INSL6: variants seen among roughly 807,000 people sequenced by gnomAD.
INSL6 encodes insulin-like peptide INSL6.
In INSL6, 16 loss-of-function variants were observed where a neutral mutation model predicts 9.4. The ratio of observed to expected loss-of-function variants is 1.70; its 90% CI spans 1.15 to 2.59. The LOEUF (loss-of-function observed/expected upper bound fraction) is 2.59, where lower values mean the gene tolerates loss of function less well. Among genes scored for constraint, INSL6 ranks in the 30% most tolerant of loss-of-function variants. The probability of loss-of-function intolerance (pLI) is 0.00; values close to 1 mark genes in which losing one functional copy is unlikely to be tolerated. For missense variants in INSL6, 391 were observed against 257.3 expected, an observed-to-expected ratio of 1.52 and a Z score of -3.56; for synonymous variants, 154 against 96.9, an observed-to-expected ratio of 1.59 and a Z score of -3.46.
the INSL6 span, among the ~76,000 whole-genome samples, chr9:5,034,067 CA>C: frequency 6.6e-6 from 1 of 151,394 alleles, no homozygotes; most frequent in Non-Finnish European, 1.5e-5. Flanking sequence ...AAACGGAAAA[CA>C]AAAAAAGGCA....
chr9:4,995,312 T>A, the INSL6 span, among the ~76,000 whole-genome samples: 7 of 152,222 alleles, frequency 4.6e-5, no homozygotes, highest in Non-Finnish European at 1.0e-4. Context: ...AGGTTGTCTC[T>A]TTATCTTTTT....
At chr9:5,124,142 T>C (rs1823820890) in exon 4 of INSL6, among the ~76,000 whole-genome samples, 1 of 151,904 alleles carries the variant, frequency 6.6e-6, no homozygotes, top group Non-Finnish European at 1.5e-5. Context: ...GCAAATATTT[T>C]CTCCGATTAT....
At chr9:5,070,059 C>A in the INSL6 span, 4 of 1,588,582 alleles carry the variant, frequency 2.5e-6, no homozygotes, top group South Asian at 4.6e-5. Flanking sequence ...ATTTGTAAGT[C>A]ATTAGATACT....
chr9:5,164,024 C>A lies in INSL6; in HGVS notation c.531G>T (p.Lys177Asn). The change falls in exon 2 of 2, where the codon AAG becomes AAT. Residue 177 changes from lysine (K) to asparagine (N), a missense_variant. Physicochemically the swap from Lys to Asn is moderately conservative, Grantham distance 94. Transcript: ENST00000381641. ...PQRKRRGYSEKCCLTGCTKEE... is the reference protein window; with the variant it reads ...PQRKRRGYSENCCLTGCTKEE... ...CTTTTGTACATCCTGTAAGACAACA[C>A]TTTTCTGAATATCCTCTGCGTTTTC... 1 of 1,613,624 alleles carries A rather than the reference C, an allele frequency of 6.2e-7. No individual in the cohort carries two copies. Among genetic ancestry groups the A allele is most frequent in the African/African-American group, 1.3e-5 (1 of 75,016 alleles).
the INSL6 span, among the ~76,000 whole-genome samples, chr9:5,084,224 T>C: frequency 5.1e-4 from 78 of 152,284 alleles, no homozygotes; most frequent in African/African-American, 1.9e-3. Flanking sequence ...GGTGTAATCA[T>C]TAGTCAGTCA....
At chr9:5,103,980 C>T in the INSL6 span, among the ~76,000 whole-genome samples, 6 of 152,068 alleles carry the variant, frequency 3.9e-5, no homozygotes, top group East Asian at 1.9e-4. Flanking sequence ...GAGCTAAAAT[C>T]GACACCTTAA....
the INSL6 span, among the ~76,000 whole-genome samples, chr9:5,067,836 C>G: frequency 1.3e-5 from 2 of 151,864 alleles, no homozygotes; most frequent in Non-Finnish European, 2.9e-5. Context: ...CAAATATAGA[C>G]AGTAACAGAC....
the INSL6 span, among the ~76,000 whole-genome samples, chr9:5,070,634 T>C: frequency 6.6e-6 from 1 of 152,228 alleles, no homozygotes; most frequent in East Asian, 1.9e-4. Flanking sequence ...CAGGCTGGAA[T>C]GCAGAAATAC....
the INSL6 span, among the ~76,000 whole-genome samples, chr9:5,086,696 C>T: frequency 6.6e-6 from 1 of 152,116 alleles, no homozygotes; most frequent in African/African-American, 2.4e-5. Context: ...TAGAAAATTT[C>T]CTACCCTGAA....
chr9:5,126,542 T>G lies in INSL6; in HGVS notation c.*11-2031A>C, dbSNP rs12005968. 15,937 of 977,320 alleles carry G rather than the reference T, an allele frequency of 0.016. 1,639 individuals are homozygous for G. In the African/African-American group the frequency reaches 0.23, roughly 14 times the overall value. The allele number at this position is 977,320 out of a possible 1,614,324, so 60.5% of individuals were successfully genotyped here. Reference sequence around the variant, plus strand: ...CTTCCTGAAATTTAATGTGCGGAGCTTCCAGATAAACAGCATAATCAGATG... The same window carrying G: ...CTTCCTGAAATTTAATGTGCGGAGCGTCCAGATAAACAGCATAATCAGATG... On this transcript the variant is annotated intron_variant, in intron 3 of 3. Transcript: ENST00000649639.
intron 1 of INSL6, among the ~76,000 whole-genome samples, chr9:5,165,086 C>G (rs1199357688): frequency 6.6e-6 from 1 of 152,162 alleles, no homozygotes; most frequent in Admixed American, 6.5e-5. Flanking sequence ...TGGTGCACGC[C>G]TGTAATACCA....
the INSL6 span, chr9:5,054,702 C>T: frequency 6.2e-7 from 1 of 1,613,384 alleles, no homozygotes; most frequent in Non-Finnish European, 8.5e-7. This position sits in a 1 kb window ranked among gnomAD's most constrained non-coding sequence, Gnocchi z 4.9. Context: ...AAACTTGAAA[C>T]TTAAGTATCT....
chr9:5,055,618 A>G, the INSL6 span: 1 of 1,405,240 alleles, frequency 7.1e-7, no homozygotes, highest in Non-Finnish European at 9.8e-7. Context: ...TTGTTTTAAA[A>G]TGGCTCTGTA....
At chr9:5,152,224 C>CA (rs1824727019) in intron 2 of INSL6, among the ~76,000 whole-genome samples, 1 of 152,138 alleles carries the variant, frequency 6.6e-6, no homozygotes. Flanking sequence ...ATAACACTGT[C>CA]AACTAACTTT....
At chr9:5,159,996 G>A (rs1233163365), downstream of INSL6, among the ~76,000 whole-genome samples, 2 of 152,066 alleles carry the variant, frequency 1.3e-5, no homozygotes, top group Non-Finnish European at 2.9e-5. Flanking sequence ...CCAACATGGT[G>A]AAACCCCATC....
chr9:5,055,022 C>G, the INSL6 span: 10 of 532,052 alleles, frequency 1.9e-5, no homozygotes, highest in Non-Finnish European at 3.2e-5. Context: ...TAGCGTGAAC[C>G]TATCAAGGTC....
the INSL6 span, chr9:5,111,135 C>A: frequency 9.7e-7 from 1 of 1,030,890 alleles, no homozygotes. Context: ...GCTGGACGTT[C>A]AGCGAAGGCG....
At chr9:5,160,193 A>C (rs893143655), downstream of INSL6, among the ~76,000 whole-genome samples, 129 of 151,862 alleles carry the variant, frequency 8.5e-4, no homozygotes, top group Non-Finnish European at 1.7e-3. Context: ...AAAAAAAAAA[A>C]AAAGTTAGGC....
At chr9:5,165,543 T>A (rs1316198173) in intron 1 of INSL6, among the ~76,000 whole-genome samples, 3 of 152,232 alleles carry the variant, frequency 2.0e-5, no homozygotes, top group Non-Finnish European at 4.4e-5. Flanking sequence ...CATTTTTTCA[T>A]ATGCTTATTA....
Sources: allele counts gnomAD v4.1 joint callset (sites outside exome capture counted in the v4.1 genomes callset), GRCh38; gene constraint gnomAD v4.1.1; non-coding constraint Gnocchi (gnomAD v3.1); transcripts MANE v1.5; gene names NCBI Gene and HGNC (gene_info 2026-07-23, HGNC 2026-07-21).